ARHGEF28: variants seen among roughly 807,000 people sequenced by gnomAD.
The protein encoded by ARHGEF28 is Rho guanine nucleotide exchange factor 28, also known as 190 kDa guanine nucleotide exchange factor.
ARHGEF28 carries 152 observed loss-of-function variants against 206.6 expected under a neutral mutation model. That is an observed-to-expected ratio of 0.74 (90% confidence interval 0.64 to 0.84). ARHGEF28 has a LOEUF of 0.84. ARHGEF28 is among the 40% of genes least tolerant of loss of function. The pLI, the probability that ARHGEF28 is intolerant of heterozygous loss-of-function variation, is 0.00. For synonymous variants in ARHGEF28, 763 were observed against 776.4 expected (o/e 0.98, Z 0.29); for missense variants, 2,028 against 2,073.2 (o/e 0.98, Z 0.42).
Position 73,753,114 on chromosome 5 carries a change from G to A in ARHGEF28, c.387G>A (p.Leu129=). The part of the protein sequence containing the change: ...LTPFALTAGA[L]PALDEELVLA... Reference sequence around the variant, plus strand: ...CATTTGCCTTGACGGCAGGAGCACTGCCTGCCTTGGATGAGGAGCTCGTGC... The same window carrying A: ...CATTTGCCTTGACGGCAGGAGCACTACCTGCCTTGGATGAGGAGCTCGTGC... Residue 129 remains leucine, a synonymous_variant, in exon 4 of 36, where the codon CTG becomes CTA. Transcript: ENST00000513042. 1 of 1,589,752 alleles carries A rather than the reference G, an allele frequency of 6.3e-7. No individual in the cohort carries two copies. Among genetic ancestry groups the A allele is most frequent in the Non-Finnish European group, 8.6e-7 (1 of 1,167,928 alleles).
intron 8 of ARHGEF28, among the ~76,000 whole-genome samples, chr5:73,794,970 T>C (rs1399328573): frequency 6.6e-6 from 1 of 152,244 alleles, no homozygotes; most frequent in East Asian, 1.9e-4. Flanking sequence ...TCTTTCTGAG[T>C]TGTAGTTGTA....
At chr5:73,773,729 C>A (rs1753371836) in intron 4 of ARHGEF28, 126 bp from the exon 5 acceptor site, 5 of 967,104 alleles carry the variant, frequency 5.2e-6, no homozygotes, top group Admixed American at 3.1e-5. Context: ...TGATTGGGTG[C>A]CATTGTTAAT....
At chr5:73,879,146 A>C (rs1448803943) in intron 22 of ARHGEF28, among the ~76,000 whole-genome samples, 1 of 151,630 alleles carries the variant, frequency 6.6e-6, no homozygotes, top group Non-Finnish European at 1.5e-5. Context: ...TTTTCTCTAA[A>C]CTTCCCTTCT....
intron 33 of ARHGEF28, among the ~76,000 whole-genome samples, chr5:73,907,660 A>G (rs1762630147): frequency 6.6e-6 from 1 of 152,250 alleles, no homozygotes. Context: ...AAGAGAGTGA[A>G]TTGGGAATTT....
At chr5:73,813,707 C>A (rs1436925405) in intron 9 of ARHGEF28, 2 of 1,516,766 alleles carry the variant, frequency 1.3e-6, no homozygotes, top group African/African-American at 2.8e-5. Context: ...CCTTCACGGG[C>A]AAAACCAGAC....
intron 2 of ARHGEF28, among the ~76,000 whole-genome samples, chr5:73,742,376 T>C (rs1298551175): frequency 6.6e-6 from 1 of 152,092 alleles, no homozygotes; most frequent in Non-Finnish European, 1.5e-5. Flanking sequence ...CATGTTTTAT[T>C]TTTATGTTTT....
At chr5:73,741,385 G>GTGTGTATGTATA (rs1561371055) in intron 2 of ARHGEF28, among the ~76,000 whole-genome samples, 1 of 21,862 alleles carries the variant, frequency 4.6e-5, no homozygotes, top group African/African-American at 2.5e-4. Flanking sequence ...GTGTGTGTGT[G>GTGTGTATGTATA]TATATATATA....
intron 2 of ARHGEF28, among the ~76,000 whole-genome samples, chr5:73,702,256 C>T (rs1021994498): frequency 6.6e-6 from 1 of 152,078 alleles, no homozygotes; most frequent in African/African-American, 2.4e-5. Context: ...TTTTTCTTTT[C>T]AGAAATTCTG....
intron 16 of ARHGEF28, among the ~76,000 whole-genome samples, chr5:73,860,972 C>T (rs1759361955): frequency 6.6e-6 from 1 of 152,204 alleles, no homozygotes; most frequent in South Asian, 2.1e-4. Flanking sequence ...CTCAGTTTCC[C>T]CCACTCCTCT....
chr5:73,738,030 C>G (rs1368843876), intron 2 of ARHGEF28, among the ~76,000 whole-genome samples: 1 of 152,154 alleles, frequency 6.6e-6, no homozygotes. Context: ...ACAAAGGTGA[C>G]GGGAGCCCAG....
chr5:73,913,657 C>T (rs758260219), intron 35 of ARHGEF28, among the ~76,000 whole-genome samples: 10 of 152,126 alleles, frequency 6.6e-5, no homozygotes, highest in Non-Finnish European at 1.3e-4. Flanking sequence ...AGCTGATGTG[C>T]CAGAACCAAG....
At chr5:73,755,829 A>G (rs930710538) in intron 4 of ARHGEF28, among the ~76,000 whole-genome samples, 2 of 152,190 alleles carry the variant, frequency 1.3e-5, no homozygotes, top group Non-Finnish European at 2.9e-5. Context: ...CTTGTTTGCC[A>G]GGCTTTTAGC....
At chr5:73,730,515 A>T (rs1440889184) in intron 2 of ARHGEF28, among the ~76,000 whole-genome samples, 1 of 149,920 alleles carries the variant, frequency 6.7e-6, no homozygotes, top group Non-Finnish European at 1.5e-5. Flanking sequence ...ATAGGTTCAA[A>T]CTGTCCACCA....
chr5:73,849,054 G>A lies in ARHGEF28; in HGVS notation c.1714G>A (p.Val572Met). 1 of 1,573,688 alleles carries A rather than the reference G, an allele frequency of 6.4e-7. No individual in the cohort carries two copies. Among genetic ancestry groups the A allele is most frequent in the African/African-American group, 1.3e-5 (1 of 74,138 alleles). The stretch of plus-strand genomic sequence containing the variant: ...AATTTCTTTAGGAAAAACTCGTTTG[G>A]TGCGTGAATTAACAGTATGCAGTTC... ...PKISLGKTRL[V>M]RELTVCSSSE... Residue 572 changes from valine (V) to methionine (M), a missense_variant, in exon 13 of 36, where the codon GTG becomes ATG. By Grantham distance (21) the Val-to-Met change is conservative (BLOSUM62 1). Around this residue, in one of 3 missense-constraint regions of ARHGEF28, gnomAD observed 1,002 missense variants for 1,015.3 expected, o/e 0.99. Coordinates refer to ENST00000513042, the MANE Select transcript of ARHGEF28 (RefSeq NM_001177693.2).
intron 35 of ARHGEF28, among the ~76,000 whole-genome samples, chr5:73,920,703 G>A (rs1202377495): frequency 6.6e-6 from 1 of 151,902 alleles, no homozygotes; most frequent in Admixed American, 6.6e-5. Flanking sequence ...CATGCATCAG[G>A]TATTTGCCCT....
intron 2 of ARHGEF28, among the ~76,000 whole-genome samples, chr5:73,735,700 G>A (rs1750883163): frequency 6.6e-6 from 1 of 152,120 alleles, no homozygotes; most frequent in East Asian, 1.9e-4. Context: ...TTACTCCCCT[G>A]CTCAAAACTC....
At chr5:73,769,664 G>A (rs1187142130) in intron 4 of ARHGEF28, among the ~76,000 whole-genome samples, 1 of 152,184 alleles carries the variant, frequency 6.6e-6, no homozygotes, top group Non-Finnish European at 1.5e-5. Flanking sequence ...TTATAGGTAG[G>A]AATGGAATTG....
intron 5 of ARHGEF28, among the ~76,000 whole-genome samples, chr5:73,774,476 C>A (rs953202712): frequency 6.6e-6 from 1 of 152,130 alleles, no homozygotes; most frequent in African/African-American, 2.4e-5. Flanking sequence ...CTGTTTTACC[C>A]ATTGCAATGC....
At chr5:73,867,524 C>T (rs1759786338) in intron 18 of ARHGEF28, among the ~76,000 whole-genome samples, 3 of 152,300 alleles carry the variant, frequency 2.0e-5, no homozygotes, top group South Asian at 2.1e-4. Context: ...GTACTAATAA[C>T]ACCTTGCAAC....
Sources: gnomAD v4.1 joint callset for allele counts (sites outside exome capture counted in the v4.1 genomes callset) on GRCh38, gnomAD v4.1.1 for gene constraint, gnomAD v4.1.1 regional missense constraint, MANE v1.5 for transcripts, NCBI Gene and HGNC (gene_info 2026-07-23, HGNC 2026-07-21) for gene names.